Variants in SCN1A observed in about 807,000 individuals in gnomAD.
The protein encoded by SCN1A is sodium voltage-gated channel alpha subunit 1.
Under a neutral mutation model 193.7 loss-of-function variants are expected in SCN1A, and 13 were observed. That is an observed-to-expected ratio of 0.07 (90% confidence interval 0.04 to 0.11). The LOEUF (loss-of-function observed/expected upper bound fraction) is 0.11, where lower values mean the gene tolerates loss of function less well. Among genes scored for constraint, SCN1A ranks in the 10% least tolerant of loss-of-function variants. SCN1A has a pLI of 1.00. For missense variants in SCN1A, 1,432 were observed against 2,451.1 expected, an observed-to-expected ratio of 0.58 and a Z score of 8.78; for synonymous variants, 781 against 843.6, an observed-to-expected ratio of 0.93 and a Z score of 1.29.
intron 4 of SCN1A, among the ~76,000 whole-genome samples, chr2:166,061,808 C>A (rs905156182): frequency 6.6e-6 from 1 of 151,998 alleles, no homozygotes; most frequent in African/African-American, 2.4e-5. Flanking sequence ...ATCTAAAAGT[C>A]CTTTGACATA....
At chr2:166,077,828 T>C (rs897735913) in intron 2 of SCN1A, 27 bp from the exon 3 acceptor site, 1 of 151,872 alleles carries the variant, frequency 6.6e-6, no homozygotes, top group Non-Finnish European at 1.5e-5. Flanking sequence ...TGTCCTTCAG[T>C]AGGTGAATGG....
intron 1 of SCN1A, among the ~76,000 whole-genome samples, chr2:166,147,715 C>T (rs1296231483): frequency 6.6e-6 from 1 of 152,096 alleles, no homozygotes; most frequent in Middle Eastern, 3.2e-3. Context: ...CCATAATTGT[C>T]TCTTTAAATT....
At chr2:166,028,552 A>G (rs1252937420) in intron 19 of SCN1A, among the ~76,000 whole-genome samples, 1 of 152,192 alleles carries the variant, frequency 6.6e-6, no homozygotes, top group African/African-American at 2.4e-5. Flanking sequence ...GACTTTAACC[A>G]ATTATTCTGA....
chr2:166,006,286 T>C (rs1365955), intron 23 of SCN1A, among the ~76,000 whole-genome samples: 4,105 of 151,380 alleles, frequency 0.027, 214 homozygotes, highest in African/African-American at 0.095. Context: ...ATTAAGACAG[T>C]TTTTTTGTAA....
chr2:166,048,406 A>G (rs528852791), intron 10 of SCN1A, among the ~76,000 whole-genome samples: 25 of 152,122 alleles, frequency 1.6e-4, no homozygotes, highest in Non-Finnish European at 2.8e-4. Flanking sequence ...ATATGTGTCC[A>G]TGTGTTCTCA....
intron 4 of SCN1A, among the ~76,000 whole-genome samples, chr2:166,073,015 A>G (rs1000021111): frequency 6.6e-6 from 1 of 151,566 alleles, no homozygotes; most frequent in Non-Finnish European, 1.5e-5. Context: ...AATTTTTTGT[A>G]TTTTAGCAGA....
At chr2:166,056,557 A>C in intron 5 of SCN1A, 57 bp from the exon 6 acceptor site, 1 of 1,303,208 alleles carries the variant, frequency 7.7e-7, no homozygotes, top group East Asian at 2.3e-5. Flanking sequence ...GTTATATTAC[A>C]AAAAGCTAAC....
chr2:166,097,608 G>A (rs1687536604), intron 2 of SCN1A, among the ~76,000 whole-genome samples: 1 of 152,056 alleles, frequency 6.6e-6, no homozygotes. Flanking sequence ...AAAAAATAGG[G>A]TCTTGCCCTG....
chr2:166,085,479 T>C (rs1186474453), intron 2 of SCN1A, among the ~76,000 whole-genome samples: 2 of 152,184 alleles, frequency 1.3e-5, no homozygotes, highest in African/African-American at 4.8e-5. Context: ...AAAAATACTC[T>C]TCTGCTCAAA....
At chr2:166,001,285 A>G (rs1690794915) in intron 24 of SCN1A, among the ~76,000 whole-genome samples, 1 of 151,638 alleles carries the variant, frequency 6.6e-6, no homozygotes, top group African/African-American at 2.4e-5. Flanking sequence ...ACCATGCCCC[A>G]CCCGTTCTTA....
chr2:166,118,298 G>GCTTCTTCTTTTTTT (rs371947861), intron 2 of SCN1A, among the ~76,000 whole-genome samples: 2 of 44,696 alleles, frequency 4.5e-5, no homozygotes, highest in African/African-American at 1.5e-4. Context: ...TTTCTATTTA[G>GCTTCTTCTTTTTTT]TTTCTTTTTT....
intron 2 of SCN1A, among the ~76,000 whole-genome samples, chr2:166,119,324 T>A (rs1690273627): frequency 6.6e-6 from 1 of 152,190 alleles, no homozygotes. Context: ...ATTACCCTTC[T>A]TACTCCATTC....
intron 5 of SCN1A, among the ~76,000 whole-genome samples, chr2:166,057,960 T>G (rs1166116554): frequency 6.6e-6 from 1 of 151,856 alleles, no homozygotes; most frequent in Non-Finnish European, 1.5e-5. Flanking sequence ...ACTTCCGGAG[T>G]CTTTACTAAG....
At chr2:166,147,283 C>G (rs1692361989) in intron 1 of SCN1A, among the ~76,000 whole-genome samples, 1 of 152,114 alleles carries the variant, frequency 6.6e-6, no homozygotes, top group Non-Finnish European at 1.5e-5. Context: ...AAAATGTAAT[C>G]TCACTTTAAC....
intron 4 of SCN1A, 133 bp from the exon 5 acceptor site, chr2:166,058,821 G>A (rs1370066082): frequency 6.2e-6 from 4 of 647,258 alleles, no homozygotes; most frequent in Admixed American, 2.4e-5. Context: ...AATTTCTAAA[G>A]TGCCCCATGA....
At chr2:166,061,068 G>A (rs527524494) in intron 4 of SCN1A, among the ~76,000 whole-genome samples, 75 of 152,154 alleles carry the variant, frequency 4.9e-4, no homozygotes, top group Non-Finnish European at 9.4e-4. Context: ...GGGCTGGAGT[G>A]TGAGGATAAT....
chr2:166,102,500 C>CAA (rs78767722), intron 2 of SCN1A, among the ~76,000 whole-genome samples: 7 of 44,580 alleles, frequency 1.6e-4, no homozygotes, highest in East Asian at 5.4e-4. Context: ...GATTACATCT[C>CAA]AAAAAAAAAA....
At chr2:166,134,691 A>G (rs2106291872) in intron 1 of SCN1A, among the ~76,000 whole-genome samples, 1 of 152,312 alleles carries the variant, frequency 6.6e-6, no homozygotes, top group Non-Finnish European at 1.5e-5. Flanking sequence ...GAAGTTCTAT[A>G]CTTTCTTTGA....
rs571963052 is a variant in SCN1A, at chr2:166,056,402, T to C, written c.473+9A>G. The C allele has an allele frequency of 6.6e-7, 1 of 1,517,768 alleles. No individual in the cohort carries two copies. The highest frequency in any genetic ancestry group is 9.2e-7 in the Non-Finnish European group (1 of 1,092,862). 94.0% of individuals were successfully genotyped at this position (1,517,768 alleles called of 1,614,324 possible). A position where few individuals can be genotyped will look rare whatever the true frequency, so the allele number is the denominator to read the frequency against. ...TATATATGTTATTAAAAATATAAGT[T>C]GAACTTACTCTACATTCTTTGTCCA... is the stretch of plus-strand genomic sequence containing the variant. On this transcript the variant is annotated intron_variant, in intron 6 of 28. Coordinates refer to ENST00000674923, the MANE Select transcript of SCN1A (RefSeq NM_001165963.4).
Sources: gnomAD v4.1 joint callset for allele counts (sites outside exome capture counted in the v4.1 genomes callset) on GRCh38, gnomAD v4.1.1 for gene constraint, MANE v1.5 for transcripts, NCBI Gene and HGNC (gene_info 2026-07-23, HGNC 2026-07-21) for gene names.